The following GALK2 variants were observed in gnomAD, a reference collection of about 807,000 sequenced individuals.
GALK2 encodes N-acetylgalactosamine kinase.
A neutral mutation model predicts 52.4 loss-of-function variants in GALK2; 36 were observed. The ratio of observed to expected loss-of-function variants is 0.69; its 90% CI spans 0.53 to 0.91. The LOEUF is 0.91. Ranked by LOEUF, GALK2 falls within the 40% of genes least tolerant of loss-of-function variation. The pLI is 0.00. For missense variants in GALK2, 579 were observed against 559.1 expected, an observed-to-expected ratio of 1.04 and a Z score of -0.36; for synonymous variants, 176 against 199.1, an observed-to-expected ratio of 0.88 and a Z score of 0.98.
chr15:49,192,497 A>G (rs958168482), intron 1 of GALK2, among the ~76,000 whole-genome samples: 979 of 80,704 alleles, frequency 0.012, 22 homozygotes, highest in African/African-American at 0.027. Flanking sequence ...ATATATATAT[A>G]TATATATATA....
intron 3 of GALK2, chr15:49,365,322 GAAC>G: frequency 1.3e-6 from 2 of 1,568,274 alleles, no homozygotes; most frequent in Non-Finnish European, 1.8e-6. Flanking sequence ...ATCAGCACCA[GAAC>G]AACAAATGTA....
At chr15:49,334,404 A>G, downstream of GALK2, 1 of 182,354 alleles carries the variant, frequency 5.5e-6, no homozygotes, top group Non-Finnish European at 1.0e-5. Flanking sequence ...GCCCTCTACA[A>G]ACCAATTCAT....
intron 7 of GALK2, among the ~76,000 whole-genome samples, chr15:49,287,731 T>C (rs751792618): frequency 6.6e-6 from 1 of 152,242 alleles, no homozygotes; most frequent in Non-Finnish European, 1.5e-5. Context: ...AGACTGAGAC[T>C]GATCAGCTAG....
chr15:49,222,215 A>G (rs1191821812), intron 3 of GALK2, among the ~76,000 whole-genome samples: 2 of 151,934 alleles, frequency 1.3e-5, no homozygotes, highest in Non-Finnish European at 1.5e-5. Context: ...TTATTGATGT[A>G]TTGAAATGCT....
intron 1 of GALK2, among the ~76,000 whole-genome samples, chr15:49,182,530 G>A (rs1467497149): frequency 1.3e-5 from 2 of 152,020 alleles, no homozygotes; most frequent in Non-Finnish European, 2.9e-5. Context: ...TGGATCATAA[G>A]GTAGTTCTAT....
intron 3 of GALK2, among the ~76,000 whole-genome samples, chr15:49,223,645 T>C (rs910758606): frequency 2.0e-5 from 3 of 152,170 alleles, no homozygotes; most frequent in African/African-American, 7.2e-5. Flanking sequence ...CAGCAGTACT[T>C]GATTTTCTTC....
intron 1 of GALK2, among the ~76,000 whole-genome samples, chr15:49,186,357 C>T (rs1430387371): frequency 6.6e-6 from 1 of 151,996 alleles, no homozygotes; most frequent in Admixed American, 6.6e-5. Flanking sequence ...TGTCTTCAAG[C>T]TCACTAATTC....
intron 8 of GALK2, among the ~76,000 whole-genome samples, chr15:49,299,722 C>CTT (rs1158876520): frequency 2.1e-5 from 1 of 48,614 alleles, no homozygotes; most frequent in African/African-American, 9.0e-5. Flanking sequence ...TTCTTTCTTT[C>CTT]TTTCTTTCTT....
chr15:49,352,208 A>C lies in GALK2; in HGVS notation c.427-15283A>C, dbSNP rs1485199157. ...AGCAAGCATCCCAAAAGCAAGAGTG[A>C]AACAGGCAGAAGCTGTAAAGCCATT... On this transcript the variant is annotated intron_variant, in intron 3 of 3. Coordinates refer to the GALK2 transcript ENST00000558399. 2.0e-5 allele frequency among the ~76,000 whole-genome samples: 3 copies of C among 152,234 alleles called. 1 individual carries two copies. The highest frequency in any genetic ancestry group is 4.4e-5 in the Non-Finnish European group (3 of 68,040).
intron 9 of GALK2, among the ~76,000 whole-genome samples, chr15:49,323,843 A>T (rs1163519603): frequency 6.6e-6 from 1 of 152,232 alleles, no homozygotes; most frequent in Non-Finnish European, 1.5e-5. Flanking sequence ...AGGAAACTAT[A>T]CTTACAGAGT....
At chr15:49,267,228 A>C (rs1234588420) in intron 5 of GALK2, among the ~76,000 whole-genome samples, 1 of 152,160 alleles carries the variant, frequency 6.6e-6, no homozygotes, top group Non-Finnish European at 1.5e-5. Flanking sequence ...AGTGAATGGG[A>C]AATTAAACAT....
In GALK2 at chr15:49,170,385, A is replaced by G; in HGVS notation, c.53+10A>G. 2.5e-6 allele frequency: 4 copies of G among 1,584,414 alleles called. No individual in the cohort carries two copies. Among genetic ancestry groups the G allele is most frequent in the African/African-American group, 1.3e-5 (1 of 74,492 alleles). On this transcript the variant is annotated intron_variant, in intron 1 of 9. Coordinates refer to ENST00000560031, the MANE Select transcript of GALK2 (RefSeq NM_002044.4). ...TGGCAGAACATCCTAGGTGGGGGAG[A>G]GGAGACGCCGGGCTTTGGGATCTGC...
intron 7 of GALK2, among the ~76,000 whole-genome samples, chr15:49,287,066 T>G (rs1253290781): frequency 6.6e-6 from 1 of 152,162 alleles, no homozygotes; most frequent in East Asian, 1.9e-4. Flanking sequence ...TGTGGGAATG[T>G]TTTTTGAGAG....
chr15:49,348,481 C>T (rs1048156825), intron 3 of GALK2, among the ~76,000 whole-genome samples: 14 of 152,104 alleles, frequency 9.2e-5, no homozygotes, highest in African/African-American at 2.7e-4. Flanking sequence ...GAGCCAATTT[C>T]GTTTTTCCTT....
At chr15:49,255,987 G>A (rs79311354) in intron 5 of GALK2, among the ~76,000 whole-genome samples, 2 of 152,042 alleles carry the variant, frequency 1.3e-5, no homozygotes, top group South Asian at 4.1e-4. Flanking sequence ...TGTTTGAGAT[G>A]TCTAACATAA....
chr15:49,183,840 T>A (rs1247419074), intron 1 of GALK2, among the ~76,000 whole-genome samples: 1 of 146,792 alleles, frequency 6.8e-6, no homozygotes, highest in African/African-American at 2.5e-5. Context: ...TGAAACTTTG[T>A]CTCAGAAAAA....
chr15:49,334,741 G>C (rs999452247), downstream of GALK2, among the ~76,000 whole-genome samples: 2 of 152,110 alleles, frequency 1.3e-5, no homozygotes, highest in African/African-American at 4.8e-5. Flanking sequence ...TCTTGGAGGT[G>C]CTCCTTGGAC....
At chr15:49,235,035 G>A (rs2090724461) in intron 3 of GALK2, among the ~76,000 whole-genome samples, 1 of 152,162 alleles carries the variant, frequency 6.6e-6, no homozygotes, top group African/African-American at 2.4e-5. Flanking sequence ...AAAGTGCTGA[G>A]ATTAGAGGTG....
At chr15:49,182,483 G>A (rs1258941243) in intron 1 of GALK2, among the ~76,000 whole-genome samples, 3 of 152,064 alleles carry the variant, frequency 2.0e-5, no homozygotes, top group African/African-American at 7.2e-5. Flanking sequence ...TCAATACACC[G>A]ATTTCCTTTT....
Sources: allele counts gnomAD v4.1 joint callset (sites outside exome capture counted in the v4.1 genomes callset), GRCh38; gene constraint gnomAD v4.1.1; transcripts MANE v1.5; gene names NCBI Gene and HGNC (gene_info 2026-07-23, HGNC 2026-07-21).